The following OSBPL6 variants were observed in gnomAD, a reference collection of about 807,000 sequenced individuals.
OSBPL6 encodes oxysterol-binding protein-related protein 6.
A neutral mutation model predicts 125.8 loss-of-function variants in OSBPL6; 49 were observed. That is an observed-to-expected ratio of 0.39 (90% CI 0.31 to 0.49). The LOEUF (loss-of-function observed/expected upper bound fraction) is 0.49, where lower values mean the gene tolerates loss of function less well. Among genes scored for constraint, OSBPL6 ranks in the 20% least tolerant of loss-of-function variants. OSBPL6 has a pLI of 0.88. For missense variants in OSBPL6, 986 were observed against 1,135.4 expected (o/e 0.87, Z 1.89); for synonymous variants, 394 against 391.8 (o/e 1.01, Z -0.07).
chr2:178,219,247 A>G (rs1174390966), intron 1 of OSBPL6, among the ~76,000 whole-genome samples: 1 of 152,234 alleles, frequency 6.6e-6, no homozygotes, highest in Non-Finnish European at 1.5e-5. Context: ...TGCATCATCT[A>G]TATTCAGATT....
intron 1 of OSBPL6, among the ~76,000 whole-genome samples, chr2:178,209,278 C>T: frequency 6.6e-6 from 1 of 151,988 alleles, no homozygotes; most frequent in South Asian, 2.1e-4. Flanking sequence ...CTTATGTTTG[C>T]TGTCATATTT....
chr2:178,241,093 T>G (rs1217973339), intron 1 of OSBPL6, among the ~76,000 whole-genome samples: 1 of 152,204 alleles, frequency 6.6e-6, no homozygotes. Context: ...ATTTGATATC[T>G]TAAGTGTACT....
At chr2:178,359,108 A>G (rs6724166) in intron 12 of OSBPL6, among the ~76,000 whole-genome samples, 4,826 of 152,258 alleles carry the variant, frequency 0.032, 244 homozygotes, top group African/African-American at 0.11. Flanking sequence ...CCCAGGAGTT[A>G]GAGGTTACAG....
chr2:178,314,777 G>A (rs911015065), intron 3 of OSBPL6, among the ~76,000 whole-genome samples: 1 of 152,118 alleles, frequency 6.6e-6, no homozygotes, highest in African/African-American at 2.4e-5. Flanking sequence ...GTGGTGAAAT[G>A]TCTTGCCAAC....
intron 1 of OSBPL6, among the ~76,000 whole-genome samples, chr2:178,221,324 T>C (rs2090330437): frequency 6.6e-6 from 1 of 152,182 alleles, no homozygotes; most frequent in East Asian, 1.9e-4. Flanking sequence ...GCTATTTTAG[T>C]GTAGGGTAGA....
At chr2:178,296,345 G>A (rs1052111965) in intron 2 of OSBPL6, among the ~76,000 whole-genome samples, 1 of 152,118 alleles carries the variant, frequency 6.6e-6, no homozygotes, top group African/African-American at 2.4e-5. Flanking sequence ...TTATAGATGA[G>A]GAAACTGAAG....
chr2:178,290,424 GTTTTT>G (rs55767106), intron 2 of OSBPL6, among the ~76,000 whole-genome samples: 1 of 128,830 alleles, frequency 7.8e-6, no homozygotes. Context: ...AATTGTAGTG[GTTTTT>G]TTTTTTTTTT....
intron 1 of OSBPL6, among the ~76,000 whole-genome samples, chr2:178,221,964 C>T (rs536317261): frequency 3.3e-5 from 5 of 152,242 alleles, no homozygotes; most frequent in East Asian, 1.9e-4. Context: ...TGCACACTTT[C>T]GCATCCCATG....
intron 1 of OSBPL6, among the ~76,000 whole-genome samples, chr2:178,241,008 C>CT (rs1034552112): frequency 6.6e-6 from 1 of 151,726 alleles, no homozygotes; most frequent in East Asian, 1.9e-4. Context: ...GGACTACAAT[C>CT]TTTTTTTTCT....
At chr2:178,312,077 G>A in intron 3 of OSBPL6, among the ~76,000 whole-genome samples, 1 of 152,062 alleles carries the variant, frequency 6.6e-6, no homozygotes, top group Admixed American at 6.5e-5. Context: ...TGCCACCTGG[G>A]CTCAAGTGAT....
chr2:178,376,160 T>C (rs994831652), intron 15 of OSBPL6, among the ~76,000 whole-genome samples: 3 of 152,108 alleles, frequency 2.0e-5, no homozygotes, highest in Non-Finnish European at 4.4e-5. Flanking sequence ...GCTCAGGATC[T>C]GCATAACCAG....
chr2:178,222,512 G>A (rs924410502), intron 1 of OSBPL6, among the ~76,000 whole-genome samples: 7 of 152,082 alleles, frequency 4.6e-5, no homozygotes, highest in Non-Finnish European at 7.4e-5. Flanking sequence ...GTGAGGTGGC[G>A]CATGCCTGTA....
At chr2:178,331,506 G>A (rs12471790) in intron 5 of OSBPL6, 46 bp from the exon 6 acceptor site, 305,480 of 1,592,260 alleles carry the variant, frequency 0.19, 31,985 homozygotes, top group Admixed American at 0.4. Flanking sequence ...AATGTTTTAT[G>A]TAATTCAAAA....
intron 21 of OSBPL6, 119 bp from the exon 22 acceptor site, chr2:178,390,954 A>ATT: frequency 7.6e-7 from 1 of 1,310,718 alleles, no homozygotes; most frequent in Middle Eastern, 1.9e-4. Flanking sequence ...AGATTTCTGT[A>ATT]TTTCTGAAAA....
chr2:178,376,727 C>T (rs2154109057), intron 15 of OSBPL6, among the ~76,000 whole-genome samples: 1 of 152,294 alleles, frequency 6.6e-6, no homozygotes, highest in African/African-American at 2.4e-5. Flanking sequence ...TGCCACCTGT[C>T]TTCTGGAGCC....
At chr2:178,220,625 T>C (rs1454012766) in intron 1 of OSBPL6, among the ~76,000 whole-genome samples, 1 of 152,194 alleles carries the variant, frequency 6.6e-6, no homozygotes, top group Non-Finnish European at 1.5e-5. Flanking sequence ...ATAGTGTTCT[T>C]ATTGGAATTT....
At chr2:178,371,240 C>T (rs975108226) in intron 13 of OSBPL6, among the ~76,000 whole-genome samples, 3 of 152,172 alleles carry the variant, frequency 2.0e-5, no homozygotes, top group South Asian at 4.1e-4. Flanking sequence ...CAGTTAGCTA[C>T]ATCTGTAGTC....
At chr2:178,291,665 TCTTC>T (rs71023439) in intron 2 of OSBPL6, among the ~76,000 whole-genome samples, 1,753 of 135,492 alleles carry the variant, frequency 0.013, 32 homozygotes, top group African/African-American at 0.036. Context: ...ACAGGTAGTC[TCTTC>T]CTTCCTTCCT....
chr2:178,306,002 A>G (rs1341851115), intron 2 of OSBPL6, 28 bp from the exon 3 acceptor site: 2 of 490,330 alleles, frequency 4.1e-6, no homozygotes, highest in Non-Finnish European at 7.3e-6. Context: ...TTAATTACTT[A>G]TATGAGGCTT....
Sources: allele counts gnomAD v4.1 joint callset (sites outside exome capture counted in the v4.1 genomes callset), GRCh38; gene constraint gnomAD v4.1.1; transcripts MANE v1.5; gene names NCBI Gene and HGNC (gene_info 2026-07-23, HGNC 2026-07-21).